Variants in BTBD1 observed in about 807,000 individuals in gnomAD.
BTBD1 encodes BTB domain containing 1.
BTBD1 carries 34 observed loss-of-function variants against 48.0 expected under a neutral mutation model. That is an observed-to-expected ratio of 0.71 (90% CI 0.54 to 0.94). The LOEUF is 0.94. BTBD1 is among the 40% of genes least tolerant of loss of function. The probability of loss-of-function intolerance (pLI) is 0.00; values close to 1 mark genes in which losing one functional copy is unlikely to be tolerated. For synonymous variants in BTBD1, 261 were observed against 242.1 expected (o/e 1.08, Z -0.72); for missense variants, 543 against 625.6 (o/e 0.87, Z 1.41).
chr15:83,067,234 C>T lies in BTBD1; in HGVS notation c.-83G>A, dbSNP rs922966828. 20 of 1,286,552 alleles carry T rather than the reference C, an allele frequency of 1.6e-5. No individual in the cohort carries two copies. Among genetic ancestry groups the T allele is most frequent in the African/African-American group, 1.2e-4 (8 of 64,640 alleles). The allele number at this position is 1,286,552 out of a possible 1,614,324, so 79.7% of individuals were successfully genotyped here. A position where few individuals can be genotyped will look rare whatever the true frequency, so the allele number is the denominator to read the frequency against. ...CGCCTCCGGAGGCCGGCGCTGCCTC[C>T]CTGCCTTCCGGGAAAGGCGCTTCCG... On this transcript the variant is annotated 5_prime_UTR_variant, in exon 1 of 8. Coordinates refer to ENST00000261721, the MANE Select transcript of BTBD1 (RefSeq NM_025238.4).
intron 4 of BTBD1, among the ~76,000 whole-genome samples, chr15:83,034,184 A>C (rs1041546290): frequency 2.0e-5 from 3 of 152,084 alleles, no homozygotes; most frequent in African/African-American, 7.2e-5. Context: ...AATAAAAGGC[A>C]AAGTCTGTCA....
At position 83,066,987 on chromosome 15, in the gene BTBD1, C is replaced by A; in HGVS notation, c.165G>T (p.Leu55=). ...TGAAGAGGAAGGCGAAGCGCTCCTTCAGCGACGCCTTGGTCGCCTGCCAGT... is the reference window on the plus strand; with the variant it reads ...TGAAGAGGAAGGCGAAGCGCTCCTTAAGCGACGCCTTGGTCGCCTGCCAGT... ...LYNWQATKAS[L]KERFAFLFNS... The change falls in exon 1 of 8, where the codon CTG becomes CTT. Residue 55 remains leucine, a synonymous_variant. Transcript: ENST00000261721. 2 of 1,584,558 alleles carry A rather than the reference C, an allele frequency of 1.3e-6. No individual in the cohort carries two copies. Among genetic ancestry groups the A allele is most frequent in the South Asian group, 2.3e-5 (2 of 88,724 alleles).
chr15:83,064,894 C>G (rs2033234658), intron 1 of BTBD1, among the ~76,000 whole-genome samples: 1 of 152,116 alleles, frequency 6.6e-6, no homozygotes, highest in Non-Finnish European at 1.5e-5. Flanking sequence ...AACTAAATTA[C>G]AGAAAATATC....
intron 2 of BTBD1, among the ~76,000 whole-genome samples, chr15:83,051,027 C>T (rs1328921332): frequency 2.1e-5 from 3 of 144,766 alleles, no homozygotes; most frequent in Non-Finnish European, 4.5e-5. Flanking sequence ...TAACCCTCCC[C>T]CACAAAAAAA....
rs1170999180 is a variant in BTBD1, at chr15:83,024,532, TCA to T, written c.1056-3772_1056-3771del. Among the ~76,000 whole-genome samples the T allele has an allele frequency of 3.9e-5, 6 of 152,374 alleles. No homozygotes were observed. In the East Asian group the frequency reaches 1.2e-3, roughly 29 times the overall value. On this transcript the variant is annotated intron_variant, in intron 5 of 7. Coordinates refer to ENST00000261721, the MANE Select transcript of BTBD1 (RefSeq NM_025238.4). ...CACCTGTTCCAGCACTTTCATGGTT[TCA>T]GTTTTGTTTAATGTTAAAATTTTAA...
intron 5 of BTBD1, among the ~76,000 whole-genome samples, chr15:83,027,169 A>G (rs558292061): frequency 4.6e-5 from 7 of 152,274 alleles, no homozygotes; most frequent in Non-Finnish European, 1.0e-4. Context: ...CCTGGCCAAC[A>G]TGGTGAAACC....
intron 4 of BTBD1, among the ~76,000 whole-genome samples, chr15:83,035,531 G>A (rs4842991): frequency 0.015 from 2,307 of 151,856 alleles, 26 homozygotes; most frequent in Non-Finnish European, 0.022. Context: ...ATTCTTAATC[G>A]AATGCTAATG....
intron 1 of BTBD1, among the ~76,000 whole-genome samples, chr15:83,061,234 A>T (rs1044291309): frequency 3.3e-5 from 5 of 152,344 alleles, no homozygotes; most frequent in African/African-American, 1.2e-4. Context: ...AACAATGGTG[A>T]GTATTGTGTA....
At position 83,066,756 on chromosome 15, in the gene BTBD1, C is replaced by A; in HGVS notation, c.396G>T (p.Leu132=). 7.1e-7 allele frequency: 1 copy of A among 1,403,238 alleles called. No homozygotes were observed. 86.9% of individuals were successfully genotyped at this position (1,403,238 alleles called of 1,614,324 possible). Residue 132 remains leucine (L), a synonymous_variant, in exon 1 of 8, where the codon CTG becomes CTT. Transcript: ENST00000261721. ...PDVEPAAFLA[L]LRFLYSDEVQ... ...CGGCCCGCGCTGCCGCTCACCTCAG[C>A]AGCGCCAGGAAGGCTGCGGGCTCCA...
Position 83,017,540 on chromosome 15 carries a change from C to T in BTBD1, c.*527G>A, listed in dbSNP as rs1346519157. On this transcript the variant is annotated 3_prime_UTR_variant, in exon 8 of 8. Transcript: ENST00000261721. ...GCCTTTTTTAGCATTATTACAAATG[C>T]TAACAACAAGATACTTCAAACCACC... is the stretch of plus-strand genomic sequence containing the variant. 1.3e-5 allele frequency: 2 copies of T among 152,518 alleles called. No individual in the cohort carries two copies. Among genetic ancestry groups the T allele is most frequent in the Non-Finnish European group, 2.9e-5 (2 of 68,036 alleles). 9.4% of individuals were successfully genotyped at this position (152,518 alleles called of 1,614,324 possible).
intron 2 of BTBD1, among the ~76,000 whole-genome samples, chr15:83,051,776 T>G (rs1402866736): frequency 6.6e-6 from 1 of 151,888 alleles, no homozygotes; most frequent in Non-Finnish European, 1.5e-5. Flanking sequence ...TATAGAAAAG[T>G]TGAAAAGATA....
At chr15:83,030,068 T>C in intron 5 of BTBD1, 68 bp downstream of exon 5, 1 of 1,317,236 alleles carries the variant, frequency 7.6e-7, no homozygotes. Flanking sequence ...TCTCCCATAA[T>C]ATATAAAAAA....
At chr15:83,052,593 T>C (rs2033008193) in intron 2 of BTBD1, among the ~76,000 whole-genome samples, 2 of 151,852 alleles carry the variant, frequency 1.3e-5, no homozygotes, top group South Asian at 2.1e-4. Context: ...AGTTATGAAG[T>C]AGTACATTTT....
chr15:83,045,518 C>A (rs376750804), intron 3 of BTBD1, among the ~76,000 whole-genome samples: 170 of 151,370 alleles, frequency 1.1e-3, no homozygotes, highest in African/African-American at 3.6e-3. Flanking sequence ...AACAAACAAA[C>A]AAAAAAAAAC....
At chr15:83,053,991 G>A (rs2033038452) in intron 2 of BTBD1, among the ~76,000 whole-genome samples, 1 of 152,216 alleles carries the variant, frequency 6.6e-6, no homozygotes, top group African/African-American at 2.4e-5. Context: ...GCTGTCTAGT[G>A]TAATAAGACG....
intron 5 of BTBD1, among the ~76,000 whole-genome samples, chr15:83,025,509 A>C (rs1478128155): frequency 6.6e-6 from 1 of 152,054 alleles, no homozygotes; most frequent in Non-Finnish European, 1.5e-5. Context: ...AAACTTTTCC[A>C]GTTCTTCATA....
Position 83,056,513 on chromosome 15 carries a change from G to A in BTBD1, c.434C>T (p.Pro145Leu). Residue 145 changes from proline (P) to leucine (L), a missense_variant, in exon 2 of 8, where the codon CCA becomes CTA. Around this residue, in one of 3 missense-constraint regions of BTBD1, gnomAD observed 70 missense variants for 111.7 expected, o/e 0.63. Transcript: ENST00000261721. ...FLYSDEVQIG[P>L]ETVMTTLYTA... is the part of the protein sequence containing the mutation. Reference sequence around the variant, plus strand: ...ATAAAGAGTGGTCATAACTGTTTCTGGACCAATTTGAACTTCATCTGAATA... The same window carrying A: ...ATAAAGAGTGGTCATAACTGTTTCTAGACCAATTTGAACTTCATCTGAATA... 6.2e-7 allele frequency: 1 copy of A among 1,613,562 alleles called. No individual in the cohort carries two copies. Among genetic ancestry groups the A allele is most frequent in the South Asian group, 1.1e-5 (1 of 91,060 alleles).
At position 83,050,207 on chromosome 15, in the gene BTBD1, C is replaced by T. The variant is rs771330121; in HGVS notation, c.559-29G>A. ...AACATATAAAGAGATAGTTATTTAA[C>T]TTTCATAGTTATTTTACCTTCAGAC... On this transcript the variant is annotated intron_variant, in intron 2 of 7. Coordinates refer to ENST00000261721, the MANE Select transcript of BTBD1 (RefSeq NM_025238.4). 4.1e-6 allele frequency: 6 copies of T among 1,447,978 alleles called. No homozygotes were observed. The African/African-American group carries it at 8.4e-5, about 20-fold the overall frequency. 89.7% of individuals were successfully genotyped at this position (1,447,978 alleles called of 1,614,324 possible). A position where few individuals can be genotyped will look rare whatever the true frequency, so the allele number is the denominator to read the frequency against.
intron 5 of BTBD1, chr15:83,022,209 T>G (rs1220768998): frequency 1.3e-5 from 2 of 150,950 alleles, no homozygotes; most frequent in East Asian, 3.9e-4. Flanking sequence ...CATTCCTTGC[T>G]AGTTTAATTT....
Sources: gnomAD v4.1 joint callset for allele counts (sites outside exome capture counted in the v4.1 genomes callset) on GRCh38, gnomAD v4.1.1 for gene constraint, gnomAD v4.1.1 regional missense constraint, MANE v1.5 for transcripts, NCBI Gene and HGNC (gene_info 2026-07-23, HGNC 2026-07-21) for gene names.